The following XRN2 variants were observed in gnomAD, a reference collection of about 807,000 sequenced individuals.
XRN2 encodes the protein DHM1-like protein.
A neutral mutation model predicts 138.5 loss-of-function variants in XRN2; 44 were observed. That is an observed-to-expected ratio of 0.32 (90% CI 0.25 to 0.41). The LOEUF is 0.41. Ranked by LOEUF, XRN2 falls within the 10% of genes least tolerant of loss-of-function variation. The probability of loss-of-function intolerance (pLI) is 1.00; values close to 1 mark genes in which losing one functional copy is unlikely to be tolerated. For missense variants in XRN2, 937 were observed against 1,169.3 expected (o/e 0.80, Z 2.90); for synonymous variants, 354 against 369.4 (o/e 0.96, Z 0.48).
intron 27 of XRN2, among the ~76,000 whole-genome samples, chr20:21,375,010 CTTTTTT>C (rs34212552): frequency 0.013 from 582 of 44,696 alleles, 5 homozygotes; most frequent in Non-Finnish European, 0.019. Context: ...TTGGTAAGTT[CTTTTTT>C]TTTTTTTTTT....
chr20:21,323,823 T>A (rs2038082395), intron 1 of XRN2, among the ~76,000 whole-genome samples: 1 of 152,212 alleles, frequency 6.6e-6, no homozygotes, highest in Admixed American at 6.5e-5. Flanking sequence ...CCTGTTTTTG[T>A]GAGTCAGGTT....
chr20:21,370,905 G>T (rs567303963), intron 27 of XRN2, among the ~76,000 whole-genome samples: 9 of 152,144 alleles, frequency 5.9e-5, no homozygotes, highest in Non-Finnish European at 1.0e-4. Flanking sequence ...CTTCATGAAG[G>T]CTTTGTTTCT....
chr20:21,308,371 G>A (rs1411485788), intron 1 of XRN2, among the ~76,000 whole-genome samples: 1 of 152,156 alleles, frequency 6.6e-6, no homozygotes, highest in Non-Finnish European at 1.5e-5. Context: ...AAAAACATTA[G>A]GAGTGAAATG....
chr20:21,309,940 G>A (rs2037856866), intron 1 of XRN2, among the ~76,000 whole-genome samples: 2 of 151,852 alleles, frequency 1.3e-5, no homozygotes, highest in South Asian at 4.2e-4. Context: ...TTGTTTTTCT[G>A]TTTTCTATTT....
chr20:21,366,259 G>A (rs1231180337), intron 26 of XRN2, among the ~76,000 whole-genome samples: 1 of 137,522 alleles, frequency 7.3e-6, no homozygotes, highest in Non-Finnish European at 1.5e-5. Context: ...TGAAAATACT[G>A]GGTTTGGGCC....
chr20:21,314,144 A>G (rs1213588583), intron 1 of XRN2, among the ~76,000 whole-genome samples: 1 of 152,010 alleles, frequency 6.6e-6, no homozygotes, highest in East Asian at 1.9e-4. Context: ...GTCTATATAG[A>G]TTTTTCCTAG....
intron 26 of XRN2, 144 bp downstream of exon 26, chr20:21,365,848 A>T (rs535282398): frequency 7.1e-6 from 1 of 141,840 alleles, no homozygotes; most frequent in Non-Finnish European, 1.5e-5. Flanking sequence ...TATAATATAT[A>T]ATTACATATA....
rs1290646837 is a variant in XRN2, at chr20:21,339,106, T to A, written c.1278+18T>A. ...GAATGAAGGTGAGTTTTAATTAATTTCATGAGATTGGCAATAGCGTAATTT... is the reference window on the plus strand; with the variant it reads ...GAATGAAGGTGAGTTTTAATTAATTACATGAGATTGGCAATAGCGTAATTT... On this transcript the variant is annotated intron_variant, in intron 14 of 29. Coordinates refer to ENST00000377191, the MANE Select transcript of XRN2 (RefSeq NM_012255.5). 2 of 1,599,478 alleles carry A rather than the reference T, an allele frequency of 1.3e-6. No individual in the cohort carries two copies. Among genetic ancestry groups the A allele is most frequent in the Non-Finnish European group, 1.7e-6 (2 of 1,170,518 alleles).
intron 1 of XRN2, among the ~76,000 whole-genome samples, chr20:21,317,106 T>A (rs1410171250): frequency 6.6e-6 from 1 of 152,204 alleles, no homozygotes; most frequent in Non-Finnish European, 1.5e-5. Flanking sequence ...TCCTGCCTAA[T>A]TGCCCTGGCT....
chr20:21,386,756 A>C (rs1368839513), intron 28 of XRN2, 112 bp from the exon 29 acceptor site: 3 of 1,348,902 alleles, frequency 2.2e-6, no homozygotes, highest in Non-Finnish European at 3.1e-6. Flanking sequence ...CCCATATGAT[A>C]AATCCAGGTA....
At chr20:21,352,213 G>A (rs2038518424) in intron 20 of XRN2, among the ~76,000 whole-genome samples, 1 of 152,156 alleles carries the variant, frequency 6.6e-6, no homozygotes, top group Admixed American at 6.5e-5. Flanking sequence ...CTTACTTAGT[G>A]AAAGTAATGA....
At chr20:21,312,678 C>T (rs547906976) in intron 1 of XRN2, among the ~76,000 whole-genome samples, 1 of 148,420 alleles carries the variant, frequency 6.7e-6, no homozygotes, top group African/African-American at 2.5e-5. Flanking sequence ...GGTGCAATCT[C>T]TGCTCACTGC....
In XRN2 at chr20:21,333,897, C is replaced by T. The variant is rs767911697; in HGVS notation, c.1068-40C>T. 1.5e-5 allele frequency: 25 copies of T among 1,613,930 alleles called. No individual in the cohort carries two copies. In the Admixed American group the frequency reaches 4.2e-4, roughly 27 times the overall value. ...TTTAGGCTTCTTGACTTTACTGTGCCTACTGGTCCTAATGCATAATGTTTG... is the reference window on the plus strand; with the variant it reads ...TTTAGGCTTCTTGACTTTACTGTGCTTACTGGTCCTAATGCATAATGTTTG... On this transcript the variant is annotated intron_variant, in intron 11 of 29. Transcript: ENST00000377191.
At chr20:21,309,514 C>A (rs778264028) in intron 1 of XRN2, among the ~76,000 whole-genome samples, 1 of 152,148 alleles carries the variant, frequency 6.6e-6, no homozygotes, top group Non-Finnish European at 1.5e-5. Flanking sequence ...CGTAAACTTT[C>A]TTAAAACATC....
intron 1 of XRN2, among the ~76,000 whole-genome samples, chr20:21,317,352 A>G (rs1262019476): frequency 6.6e-6 from 1 of 151,820 alleles, no homozygotes; most frequent in Non-Finnish European, 1.5e-5. Flanking sequence ...CTTTTTCTAT[A>G]TGAAGATGAT....
chr20:21,356,974 G>C (rs952217458), intron 23 of XRN2, among the ~76,000 whole-genome samples: 1 of 152,092 alleles, frequency 6.6e-6, no homozygotes, highest in Non-Finnish European at 1.5e-5. Flanking sequence ...GTGCACAGTG[G>C]AGTTTTCCAG....
chr20:21,338,437 C>T (rs948364903), intron 13 of XRN2, among the ~76,000 whole-genome samples: 5 of 152,114 alleles, frequency 3.3e-5, no homozygotes, highest in East Asian at 1.9e-4. Flanking sequence ...AGTAGTAAGC[C>T]GTGCATACAC....
At chr20:21,369,236 G>A (rs1219216376) in intron 27 of XRN2, among the ~76,000 whole-genome samples, 1 of 152,174 alleles carries the variant, frequency 6.6e-6, no homozygotes, top group Admixed American at 6.5e-5. Flanking sequence ...TGTTACAGGT[G>A]ACAAGATCTC....
chr20:21,319,152 CA>C (rs1350398301), intron 1 of XRN2, among the ~76,000 whole-genome samples: 2 of 152,066 alleles, frequency 1.3e-5, no homozygotes, highest in Non-Finnish European at 2.9e-5. Context: ...CCTCCAGTAA[CA>C]TTTTTTTATT....
Sources: gnomAD v4.1 joint callset for allele counts (sites outside exome capture counted in the v4.1 genomes callset) on GRCh38, gnomAD v4.1.1 for gene constraint, MANE v1.5 for transcripts, NCBI Gene and HGNC (gene_info 2026-07-23, HGNC 2026-07-21) for gene names.